Variants in ACTR3 observed in about 807,000 individuals in gnomAD.
ACTR3 encodes the protein actin related protein 3.
A neutral mutation model predicts 56.8 loss-of-function variants in ACTR3; 12 were observed. The observed-to-expected ratio is 0.21, with a 90% CI of 0.14 to 0.34. ACTR3 has a LOEUF of 0.34. Ranked by LOEUF, ACTR3 falls within the 10% of genes least tolerant of loss-of-function variation. The probability of loss-of-function intolerance (pLI) is 1.00; values close to 1 mark genes in which losing one functional copy is unlikely to be tolerated. For missense variants in ACTR3, 282 were observed against 512.5 expected, an observed-to-expected ratio of 0.55 and a Z score of 4.34; for synonymous variants, 162 against 167.4, an observed-to-expected ratio of 0.97 and a Z score of 0.25.
intron 1 of ACTR3, among the ~76,000 whole-genome samples, chr2:113,897,588 G>A (rs749574029): frequency 2.1e-5 from 3 of 143,142 alleles, no homozygotes; most frequent in African/African-American, 2.7e-5. Context: ...GTGCAGTGGC[G>A]TGATCTTGGC....
At chr2:113,937,036 T>G (rs1679840882) in intron 6 of ACTR3, among the ~76,000 whole-genome samples, 1 of 152,152 alleles carries the variant, frequency 6.6e-6, no homozygotes, top group Non-Finnish European at 1.5e-5. Flanking sequence ...AGATAGAGCT[T>G]AGGACTTCAG....
intron 1 of ACTR3, among the ~76,000 whole-genome samples, chr2:113,908,583 G>A (rs1419637011): frequency 6.6e-6 from 1 of 151,558 alleles, no homozygotes; most frequent in Non-Finnish European, 1.5e-5. Flanking sequence ...TTTTATATGA[G>A]CATTAAAAAG....
chr2:113,921,593 A>G (rs1679512867), intron 3 of ACTR3, among the ~76,000 whole-genome samples: 1 of 152,042 alleles, frequency 6.6e-6, no homozygotes, highest in African/African-American at 2.4e-5. Context: ...TAGTACTTTT[A>G]TAGTTTTGGG....
chr2:113,909,170 T>C (rs1196277028), intron 1 of ACTR3, among the ~76,000 whole-genome samples: 2 of 152,150 alleles, frequency 1.3e-5, no homozygotes, highest in Non-Finnish European at 2.9e-5. Flanking sequence ...TAAAATACAT[T>C]AGAAGTGATT....
intron 2 of ACTR3, among the ~76,000 whole-genome samples, chr2:113,916,422 G>A (rs1054970922): frequency 2.0e-5 from 3 of 152,064 alleles, no homozygotes; most frequent in African/African-American, 7.2e-5. Context: ...AGTAATTACT[G>A]TTACTAGACC....
intron 1 of ACTR3, among the ~76,000 whole-genome samples, chr2:113,902,780 A>G (rs892361423): frequency 7.2e-5 from 11 of 152,006 alleles, no homozygotes; most frequent in African/African-American, 2.7e-4. Flanking sequence ...TTGTATTTTT[A>G]GTAGAGATGG....
intron 2 of ACTR3, among the ~76,000 whole-genome samples, chr2:113,914,587 G>A (rs527605654): frequency 6.7e-6 from 1 of 148,606 alleles, no homozygotes; most frequent in South Asian, 2.1e-4. Context: ...TTCCAGGCCT[G>A]GGGGGTGACA....
At position 113,938,969 on chromosome 2, in the gene ACTR3, T is replaced by G. The variant is rs1679876305; in HGVS notation, c.541-990T>G. On this transcript the variant is annotated intron_variant, in intron 6 of 11. Transcript: ENST00000263238. Reference sequence around the variant, plus strand: ...TTCACGTTATTTGTTTCCCTTTTCTTAGAAAGTATCTCTGCCCTACTCTGC... The same window carrying G: ...TTCACGTTATTTGTTTCCCTTTTCTGAGAAAGTATCTCTGCCCTACTCTGC... Among the ~76,000 whole-genome samples the G allele has an allele frequency of 4.6e-5, 7 of 152,258 alleles. No homozygotes were observed. The South Asian group carries it at 1.2e-3, about 27-fold the overall frequency.
intron 1 of ACTR3, among the ~76,000 whole-genome samples, chr2:113,906,632 T>A (rs990079329): frequency 3.3e-5 from 5 of 152,208 alleles, no homozygotes; most frequent in African/African-American, 1.2e-4. Flanking sequence ...CAACTTTGAG[T>A]TAACTTTTGT....
intron 3 of ACTR3, among the ~76,000 whole-genome samples, chr2:113,920,597 C>T (rs1368788983): frequency 6.6e-6 from 1 of 152,138 alleles, no homozygotes; most frequent in Non-Finnish European, 1.5e-5. Context: ...TTCTTGCTAT[C>T]CAGCTGTAAT....
At chr2:113,912,441 G>T (rs1679324891) in intron 1 of ACTR3, among the ~76,000 whole-genome samples, 1 of 152,032 alleles carries the variant, frequency 6.6e-6, no homozygotes, top group African/African-American at 2.4e-5. Context: ...TATTTATGTT[G>T]TTATTTTGTT....
chr2:113,946,598 A>G (rs1680024416), intron 8 of ACTR3, among the ~76,000 whole-genome samples: 1 of 152,030 alleles, frequency 6.6e-6, no homozygotes, highest in Non-Finnish European at 1.5e-5. Context: ...TAGATGCTGG[A>G]TATTAGACCT....
Position 113,939,999 on chromosome 2 carries a change from C to T in ACTR3, c.581C>T (p.Pro194Leu). Reference sequence around the variant, plus strand: ...ATTGGCAGCTGTATTAAACACATTCCAATCGCAGGACGAGATATAACATAT... The same window carrying T: ...ATTGGCAGCTGTATTAAACACATTCTAATCGCAGGACGAGATATAACATAT... Reference protein sequence around the residue: ...YVIGSCIKHIPIAGRDITYFI... With the variant: ...YVIGSCIKHILIAGRDITYFI... Residue 194 changes from proline (P) to leucine (L), a missense_variant, in exon 7 of 12, where the codon CCA becomes CTA. Physicochemically the swap from Pro to Leu is moderately conservative, Grantham distance 98. Coordinates refer to ENST00000263238, the MANE Select transcript of ACTR3 (RefSeq NM_005721.5). 1 of 1,612,836 alleles carries T rather than the reference C, an allele frequency of 6.2e-7. No homozygotes were observed.
At position 113,934,090 on chromosome 2, in the gene ACTR3, T is replaced by TA. The variant is rs1679776118; in HGVS notation, c.433-185dup. Reference sequence around the variant, plus strand: ...ATGTAAACCTCTAAGTTTGTCTTAATAAAATGTAGGGAGTGAGCTATTTTA... The same window carrying TA: ...ATGTAAACCTCTAAGTTTGTCTTAATAAAAATGTAGGGAGTGAGCTATTTTA... On this transcript the variant is annotated intron_variant, in intron 5 of 11. Transcript: ENST00000263238. 9.3e-6 allele frequency: 5 copies of TA among 538,158 alleles called. No individual in the cohort carries two copies. In the South Asian group the frequency reaches 1.2e-4, roughly 13 times the overall value. 33.3% of individuals were successfully genotyped at this position (538,158 alleles called of 1,614,324 possible). A position where few individuals can be genotyped will look rare whatever the true frequency, so the allele number is the denominator to read the frequency against.
At chr2:113,925,819 T>A (rs1219816763) in intron 3 of ACTR3, among the ~76,000 whole-genome samples, 1 of 152,214 alleles carries the variant, frequency 6.6e-6, no homozygotes, top group East Asian at 1.9e-4. Context: ...ATGTTAGGGA[T>A]TGATACTGCA....
At chr2:113,914,633 A>G (rs1011040164) in intron 2 of ACTR3, among the ~76,000 whole-genome samples, 9 of 147,258 alleles carry the variant, frequency 6.1e-5, no homozygotes, top group Non-Finnish European at 1.2e-4. Context: ...AAAAAAAAAA[A>G]GAAAGAAAAA....
intron 8 of ACTR3, 36 bp downstream of exon 8, chr2:113,942,395 A>C (rs1679939402): frequency 7.1e-7 from 1 of 1,407,886 alleles, no homozygotes; most frequent in Admixed American, 2.4e-5. Context: ...AAAAGTATTC[A>C]GCAGCAAATA....
chr2:113,916,110 C>T lies in ACTR3; in HGVS notation c.101-774C>T, dbSNP rs959267447. On this transcript the variant is annotated intron_variant, in intron 2 of 11. Coordinates refer to ENST00000263238, the MANE Select transcript of ACTR3 (RefSeq NM_005721.5). ...ATGGTGGATTAAAAATTTTTTTCTT[C>T]CAGTTATTTTCTGCCCACTTTCTTA... is the stretch of plus-strand genomic sequence containing the variant. Among the ~76,000 whole-genome samples the T allele has an allele frequency of 7.2e-5, 11 of 152,094 alleles. No individual in the cohort carries two copies. The East Asian group carries it at 1.7e-3, about 24-fold the overall frequency.
intron 8 of ACTR3, chr2:113,951,071 A>G (rs1393661634): frequency 6.3e-6 from 1 of 159,624 alleles, no homozygotes; most frequent in Non-Finnish European, 1.4e-5. Flanking sequence ...GGTCCCTCCC[A>G]CAACACGTGG....
Sources: gnomAD v4.1 joint callset for allele counts (sites outside exome capture counted in the v4.1 genomes callset) on GRCh38, gnomAD v4.1.1 for gene constraint, MANE v1.5 for transcripts, NCBI Gene and HGNC (gene_info 2026-07-23, HGNC 2026-07-21) for gene names.